Variants in PRR13 observed in about 807,000 individuals in gnomAD.
PRR13 encodes proline rich 13.
A neutral mutation model predicts 11.5 loss-of-function variants in PRR13; 7 were observed. That is an observed-to-expected ratio of 0.61 (90% CI 0.34 to 1.14). The LOEUF (loss-of-function observed/expected upper bound fraction) is 1.14. PRR13 is among the 50% of genes most tolerant of loss of function. The pLI, the probability that PRR13 is intolerant of heterozygous loss-of-function variation, is 0.03. For missense variants in PRR13, 155 were observed against 194.4 expected (o/e 0.80, Z 1.21); for synonymous variants, 53 against 67.8 (o/e 0.78, Z 1.07).
chr12:53,445,907 G>C (rs1940390653), intron 3 of PRR13, 108 bp from the exon 4 acceptor site: 13 of 1,541,086 alleles, frequency 8.4e-6, no homozygotes, highest in South Asian at 5.7e-5. Flanking sequence ...AGGGAAGCAA[G>C]GGATACTTGG....
chr12:53,443,347 G>A, intron 2 of PRR13, 44 bp from the exon 3 acceptor site: 1 of 1,332,638 alleles, frequency 7.5e-7, no homozygotes, highest in South Asian at 2.5e-5. Flanking sequence ...TGTTGTTGGA[G>A]ACTCTGGGGA....
intron 3 of PRR13, chr12:53,444,028 A>C: frequency 1.9e-6 from 1 of 525,548 alleles, no homozygotes; most frequent in Non-Finnish European, 3.3e-6. Flanking sequence ...TCAAAAGCCA[A>C]ATCTTTTCTG....
chr12:53,445,002 C>G (rs1200496106), intron 3 of PRR13, among the ~76,000 whole-genome samples: 1 of 152,142 alleles, frequency 6.6e-6, no homozygotes, highest in African/African-American at 2.4e-5. Flanking sequence ...CATTTAACTG[C>G]CCAGTATTTA....
intron 1 of PRR13, chr12:53,442,161 G>T (rs1432439858): frequency 3.0e-6 from 1 of 335,606 alleles, no homozygotes; most frequent in East Asian, 5.7e-5. Flanking sequence ...CCACCTGGGT[G>T]GAGGGGCCCT....
At chr12:53,445,841 G>A (rs1203902834) in intron 3 of PRR13, among the ~76,000 whole-genome samples, 174 bp from the exon 4 acceptor site, 1 of 152,134 alleles carries the variant, frequency 6.6e-6, no homozygotes, top group Non-Finnish European at 1.5e-5. Context: ...GCTCACTGCT[G>A]AAGGAAACCC....
Position 53,442,733 on chromosome 12 carries a change from G to T in PRR13, c.19G>T (p.Gly7Trp). 6.2e-7 allele frequency: 1 copy of T among 1,610,566 alleles called. No homozygotes were observed. Among genetic ancestry groups the T allele is most frequent in the Non-Finnish European group, 8.5e-7 (1 of 1,176,850 alleles). Reference sequence around the variant, plus strand: ...CCTAAACATGTGGAATCCCAATGCCGGTAGGTGTTTGGGGGTTCTGTTCCA... The same window carrying T: ...CCTAAACATGTGGAATCCCAATGCCTGTAGGTGTTTGGGGGTTCTGTTCCA... The part of the protein sequence containing the change: MWNPNA[G>W]QPGPNPYPPN... Residue 7 changes from glycine (G) to tryptophan (W), a missense_variant and splice_region_variant, in exon 2 of 4, where the codon GGG (glycine) becomes TGG (tryptophan). Transcript: ENST00000429243.
chr12:53,443,151 C>G (rs1940329141), intron 2 of PRR13: 1 of 468,044 alleles, frequency 2.1e-6, no homozygotes, highest in African/African-American at 2.0e-5. Context: ...GCCACCGCGC[C>G]TGGACTGACC....
At chr12:53,444,325 G>A (rs1315360160) in intron 3 of PRR13, among the ~76,000 whole-genome samples, 1 of 148,708 alleles carries the variant, frequency 6.7e-6, no homozygotes, top group Non-Finnish European at 1.5e-5. Context: ...CTAGGACTAA[G>A]GAGGTTTTTT....
intron 3 of PRR13, 105 bp from the exon 4 acceptor site, chr12:53,445,910 A>G: frequency 6.4e-7 from 1 of 1,551,690 alleles, no homozygotes; most frequent in African/African-American, 1.4e-5. Context: ...GAAGCAAGGG[A>G]TACTTGGGTG....
At chr12:53,442,500 C>A (rs1436089563) in intron 1 of PRR13, 195 bp from the exon 2 acceptor site, 5 of 503,386 alleles carry the variant, frequency 9.9e-6, no homozygotes, top group Non-Finnish European at 3.6e-6. Flanking sequence ...GCCTCGGCCT[C>A]CCAAAGTGCT....
At chr12:53,441,948 ACTTCC>A (rs1940300264) in intron 1 of PRR13, 156 bp downstream of exon 1, 3 of 634,684 alleles carry the variant, frequency 4.7e-6, no homozygotes, top group Non-Finnish European at 8.4e-6. Context: ...TTCTTGGGCA[ACTTCC>A]TTCTTACTTC....
chr12:53,443,571 G>C lies in PRR13; in HGVS notation c.200G>C (p.Gly67Ala). The change falls in exon 3 of 4, where the codon GGG (glycine) becomes GCG (alanine). Residue 67 changes from glycine (G) to alanine (A), a missense_variant. Transcript: ENST00000429243. ...GGPPHPVPQP[G>A]YPGCQPLGPY... ...CCCCCTCATCCTGTGCCACAGCCAG[G>C]GTATCCAGGATGCCAACCGTTGGGT... 6.2e-7 allele frequency: 1 copy of C among 1,604,950 alleles called. No individual in the cohort carries two copies. The highest frequency in any genetic ancestry group is 1.1e-5 in the South Asian group (1 of 90,542).
Position 53,446,132 on chromosome 12 carries a change from A to G in PRR13, c.*73A>G. On this transcript the variant is annotated 3_prime_UTR_variant, in exon 4 of 4. Coordinates refer to ENST00000429243, the MANE Select transcript of PRR13 (RefSeq NM_018457.4). Reference sequence around the variant, plus strand: ...CATCAAGCTTCAGATGCCATGTTGTACTGGGGGAATGTAGCCCTTGTGCTC... The same window carrying G: ...CATCAAGCTTCAGATGCCATGTTGTGCTGGGGGAATGTAGCCCTTGTGCTC... The G allele has an allele frequency of 1.2e-6, 2 of 1,606,936 alleles. No individual in the cohort carries two copies. The highest frequency in any genetic ancestry group is 1.7e-6 in the Non-Finnish European group (2 of 1,179,346).
chr12:53,443,625 C>T lies in PRR13; in HGVS notation c.254C>T (p.Ala85Val), dbSNP rs763725962. ...TACCCTCCTCCATACCCACCGCCTG[C>T]CCCTGGAATCCCTCCTGTGAATCCC... is the stretch of plus-strand genomic sequence containing the variant. ...GPYPPPYPPPAPGIPPVNPLA... is the reference protein window; with the variant it reads ...GPYPPPYPPPVPGIPPVNPLA... The change falls in exon 3 of 4, where the codon GCC becomes GTC. Residue 85 changes from alanine (A) to valine (V), a missense_variant. Transcript: ENST00000429243. The T allele has an allele frequency of 2.5e-6, 4 of 1,614,130 alleles. No homozygotes were observed. Among genetic ancestry groups the T allele is most frequent in the Non-Finnish European group, 3.4e-6 (4 of 1,180,028 alleles).
At position 53,446,246 on chromosome 12, in the gene PRR13, A is replaced by G. The variant is rs1940399389; in HGVS notation, c.*187A>G. On this transcript the variant is annotated 3_prime_UTR_variant, in exon 4 of 4. Coordinates refer to ENST00000429243, the MANE Select transcript of PRR13 (RefSeq NM_018457.4). ...GGAAGAGGATTGCCATGGCCTGGCCATCTTGTTGCTGCTTGGTTAGATCAT... is the reference window on the plus strand; with the variant it reads ...GGAAGAGGATTGCCATGGCCTGGCCGTCTTGTTGCTGCTTGGTTAGATCAT... 4 of 1,015,090 alleles carry G rather than the reference A, an allele frequency of 3.9e-6. No individual in the cohort carries two copies. The Admixed American group carries it at 9.9e-5, about 25-fold the overall frequency. The allele number at this position is 1,015,090 out of a possible 1,614,324, so 62.9% of individuals were successfully genotyped here. A position where few individuals can be genotyped will look rare whatever the true frequency, so the allele number is the denominator to read the frequency against.
rs1449731942 is a variant in PRR13 at position 53,443,757 on chromosome 12, A to G, written c.386A>G (p.Tyr129Cys). Reference sequence around the variant, plus strand: ...CACAAGCACCAAAAGCACCACAAGTACCACAAGCATGGCAAGGTCAGTACC... The same window carrying G: ...CACAAGCACCAAAAGCACCACAAGTGCCACAAGCATGGCAAGGTCAGTACC... The part of the protein sequence containing the change: ...KMHKHQKHHK[Y>C]HKHGKHSSSS... The change falls in exon 3 of 4, where the codon TAC (tyrosine) becomes TGC (cysteine). Residue 129 changes from tyrosine (Y) to cysteine (C), a missense_variant. Coordinates refer to ENST00000429243, the MANE Select transcript of PRR13 (RefSeq NM_018457.4). 6.2e-7 allele frequency: 1 copy of G among 1,606,534 alleles called. No individual in the cohort carries two copies. The highest frequency in any genetic ancestry group is 2.2e-5 in the East Asian group (1 of 44,836).
Position 53,443,521 on chromosome 12 carries a change from C to A in PRR13, c.150C>A (p.Gly50=). Residue 50 remains glycine (G), a synonymous_variant, in exon 3 of 4, where the codon GGC becomes GGA. Transcript: ENST00000429243. ...PCPPPPGAPH[G]NPAFPPGGPP... is the part of the protein sequence containing the mutation. ...CTCCTCCCCCAGGAGCTCCCCATGG[C>A]AATCCAGCTTTCCCCCCAGGTGGGC... is the stretch of plus-strand genomic sequence containing the variant. 6.5e-7 allele frequency: 1 copy of A among 1,530,970 alleles called. No homozygotes were observed. The highest frequency in any genetic ancestry group is 8.8e-7 in the Non-Finnish European group (1 of 1,134,496). 94.8% of individuals were successfully genotyped at this position (1,530,970 alleles called of 1,614,324 possible).
At chr12:53,442,832 A>T in intron 2 of PRR13, 99 bp downstream of exon 2, 1 of 1,332,794 alleles carries the variant, frequency 7.5e-7, no homozygotes, top group Non-Finnish European at 1.1e-6. Context: ...GACCTGCTGT[A>T]CCCGCAAAAG....
chr12:53,443,490 C>T lies in PRR13; in HGVS notation c.119C>T (p.Pro40Leu). The change falls in exon 3 of 4, where the codon CCC becomes CTC. Residue 40 changes from proline (P) to leucine (L), a missense_variant. Coordinates refer to ENST00000429243, the MANE Select transcript of PRR13 (RefSeq NM_018457.4). ...ATTAATCCACCCTTTCCCCCAGGCC[C>T]CTGTCCTCCTCCCCCAGGAGCTCCC... ...PPINPPFPPGPCPPPPGAPHG... is the reference protein window; with the variant it reads ...PPINPPFPPGLCPPPPGAPHG... 6.8e-7 allele frequency: 1 copy of T among 1,463,902 alleles called. No individual in the cohort carries two copies. The highest frequency in any genetic ancestry group is 9.1e-7 in the Non-Finnish European group (1 of 1,102,652). The allele number at this position is 1,463,902 out of a possible 1,614,324, so 90.7% of individuals were successfully genotyped here.
Sources: allele counts gnomAD v4.1 joint callset (sites outside exome capture counted in the v4.1 genomes callset), GRCh38; gene constraint gnomAD v4.1.1; transcripts MANE v1.5; gene names NCBI Gene and HGNC (gene_info 2026-07-23, HGNC 2026-07-21).